EXOC2: variants seen among roughly 807,000 people sequenced by gnomAD.
The protein encoded by EXOC2 is exocyst complex component 2.
A neutral mutation model predicts 131.8 loss-of-function variants in EXOC2; 70 were observed. That is an observed-to-expected ratio of 0.53 (90% CI 0.44 to 0.65). The LOEUF is 0.65. EXOC2 is among the 30% of genes least tolerant of loss of function. EXOC2 has a pLI of 0.00. For missense variants in EXOC2, 923 were observed against 1,108.6 expected (o/e 0.83, Z 2.38); for synonymous variants, 411 against 398.4 (o/e 1.03, Z -0.38).
intron 11 of EXOC2, among the ~76,000 whole-genome samples, chr6:591,581 A>C (rs903098840): frequency 3.3e-5 from 5 of 152,060 alleles, no homozygotes; most frequent in Admixed American, 1.3e-4. Context: ...GGCTACTCCT[A>C]AGCACTCCAA....
intron 1 of EXOC2, among the ~76,000 whole-genome samples, chr6:644,680 T>C (rs550097901): frequency 1.3e-5 from 2 of 152,276 alleles, no homozygotes; most frequent in East Asian, 1.9e-4. Flanking sequence ...TATATAAAAA[T>C]CAGTTATTTA....
intron 1 of EXOC2, among the ~76,000 whole-genome samples, chr6:652,635 G>C (rs540689185): frequency 4.0e-5 from 6 of 151,402 alleles, no homozygotes; most frequent in African/African-American, 1.5e-4. Context: ...ACCTCTCTTC[G>C]TTTTTCTCAA....
intron 1 of EXOC2, among the ~76,000 whole-genome samples, chr6:670,861 C>A (rs1279229840): frequency 1.3e-5 from 2 of 152,106 alleles, no homozygotes; most frequent in African/African-American, 4.8e-5. Flanking sequence ...AAATTCCTCT[C>A]TTCCATGAGC....
rs375776728 is a variant in EXOC2 at position 633,346 on chromosome 6, G to A, written c.119-229C>T. On this transcript the variant is annotated intron_variant, in intron 2 of 27. Transcript: ENST00000230449. ...TACATTTGAGTTTCTTCAAACATCC[G>A]TAGAATTAGAAAACGAACACCACAA... Among the ~76,000 whole-genome samples, 9 of 152,068 alleles carry A rather than the reference G, an allele frequency of 5.9e-5. No individual in the cohort carries two copies. In the South Asian group the frequency reaches 1.0e-3, roughly 18 times the overall value.
intron 23 of EXOC2, among the ~76,000 whole-genome samples, chr6:516,369 A>T (rs561424178): frequency 3.2e-4 from 48 of 152,312 alleles, no homozygotes; most frequent in African/African-American, 1.1e-3. Flanking sequence ...GCTCGTTGTC[A>T]GCTTTCAATG....
chr6:567,942 T>C (rs924694198), intron 13 of EXOC2, among the ~76,000 whole-genome samples: 2 of 152,236 alleles, frequency 1.3e-5, no homozygotes, highest in Non-Finnish European at 2.9e-5. Flanking sequence ...CTCCCGGAGA[T>C]GTCAGATGTC....
intron 1 of EXOC2, chr6:656,858 G>A (rs749659155): frequency 1.9e-6 from 3 of 1,609,842 alleles, no homozygotes; most frequent in African/African-American, 1.3e-5. Flanking sequence ...GGAGCACGCA[G>A]ACCTTCGCTA....
At chr6:592,317 C>A in intron 11 of EXOC2, 152 bp downstream of exon 11, 1 of 630,576 alleles carries the variant, frequency 1.6e-6, no homozygotes, top group South Asian at 2.0e-5. Context: ...ACAATGCTAA[C>A]CAGTGGCCAA....
intron 7 of EXOC2, among the ~76,000 whole-genome samples, chr6:606,761 C>T (rs1760440004): frequency 6.6e-6 from 1 of 152,234 alleles, no homozygotes; most frequent in African/African-American, 2.4e-5. Context: ...CTGAGTTACT[C>T]TTGAGTCTCA....
At chr6:635,845 G>T (rs564413439) in intron 2 of EXOC2, among the ~76,000 whole-genome samples, 1 of 152,340 alleles carries the variant, frequency 6.6e-6, no homozygotes, top group Admixed American at 6.5e-5. Flanking sequence ...GGCGGATCAC[G>T]AGGTCAAGAG....
intron 1 of EXOC2, among the ~76,000 whole-genome samples, chr6:672,393 A>G (rs1763916233): frequency 6.6e-6 from 1 of 152,220 alleles, no homozygotes; most frequent in Non-Finnish European, 1.5e-5. Context: ...TGGTTTGATC[A>G]TTCTAACATC....
intron 1 of EXOC2, among the ~76,000 whole-genome samples, chr6:690,014 T>C (rs534865118): frequency 3.9e-5 from 6 of 152,342 alleles, no homozygotes; most frequent in African/African-American, 1.4e-4. Context: ...GACCAGTGTA[T>C]AGTTGCTTTG....
intron 13 of EXOC2, among the ~76,000 whole-genome samples, chr6:571,188 A>G (rs1758257308): frequency 6.6e-6 from 1 of 152,262 alleles, no homozygotes; most frequent in African/African-American, 2.4e-5. Flanking sequence ...GAGTTCATAC[A>G]TAACTAACAA....
intron 10 of EXOC2, among the ~76,000 whole-genome samples, chr6:593,076 G>C (rs756391082): frequency 1.3e-5 from 2 of 151,946 alleles, no homozygotes; most frequent in Non-Finnish European, 1.5e-5. Flanking sequence ...AAACAGCAGA[G>C]CTTTAAAATT....
chr6:620,734 C>T (rs1438809666), intron 4 of EXOC2, among the ~76,000 whole-genome samples: 1 of 152,178 alleles, frequency 6.6e-6, no homozygotes, highest in Non-Finnish European at 1.5e-5. Context: ...CCAAAGGTAA[C>T]ATTTTTTTCT....
At chr6:510,611 G>A (rs1359040368) in intron 23 of EXOC2, among the ~76,000 whole-genome samples, 2 of 151,918 alleles carry the variant, frequency 1.3e-5, no homozygotes, top group African/African-American at 2.4e-5. Context: ...ATACGCAAGT[G>A]GAAAAAACTC....
intron 1 of EXOC2, among the ~76,000 whole-genome samples, chr6:643,687 A>G (rs1056720271): frequency 2.0e-5 from 3 of 152,080 alleles, no homozygotes; most frequent in African/African-American, 7.2e-5. Context: ...AAGCAGAATG[A>G]CAGAAATAGG....
At chr6:570,193 GCGC>G (rs1758194832) in intron 13 of EXOC2, among the ~76,000 whole-genome samples, 2 of 131,852 alleles carry the variant, frequency 1.5e-5, no homozygotes, top group African/African-American at 5.9e-5. Flanking sequence ...GAGTGTGGTG[GCGC>G]GATCTCGGCT....
chr6:588,158 C>T (rs1759321999), intron 11 of EXOC2, among the ~76,000 whole-genome samples: 1 of 152,152 alleles, frequency 6.6e-6, no homozygotes, highest in African/African-American at 2.4e-5. Context: ...AAAACCACCC[C>T]AATTTTCCAG....
Sources: allele counts gnomAD v4.1 joint callset (sites outside exome capture counted in the v4.1 genomes callset), GRCh38; gene constraint gnomAD v4.1.1; transcripts MANE v1.5; gene names NCBI Gene and HGNC (gene_info 2026-07-23, HGNC 2026-07-21).